SKP1: variants seen among roughly 807,000 people sequenced by gnomAD.
SKP1 encodes the protein S-phase kinase-associated protein 1.
A neutral mutation model predicts 21.5 loss-of-function variants in SKP1; 1 was observed. The observed-to-expected ratio is 0.05, with a 90% confidence interval of 0.02 to 0.22. The LOEUF is 0.22. Among genes scored for constraint, SKP1 ranks in the 10% least tolerant of loss-of-function variants. SKP1 has a pLI of 1.00. For missense variants in SKP1, 70 were observed against 192.0 expected, an observed-to-expected ratio of 0.36 and a Z score of 3.76; for synonymous variants, 59 against 59.3, an observed-to-expected ratio of 0.99 and a Z score of 0.03.
At chr5:134,164,798 A>G (rs1300130639) in intron 3 of SKP1, among the ~76,000 whole-genome samples, 3 of 152,344 alleles carry the variant, frequency 2.0e-5, no homozygotes, top group Admixed American at 6.5e-5. Flanking sequence ...CCTATTAGAT[A>G]ATACCACTGA....
chr5:134,173,602 G>T (rs931370548), intron 2 of SKP1: 3 of 412,790 alleles, frequency 7.3e-6, no homozygotes, highest in East Asian at 1.3e-4. Context: ...CTTTTCCAAA[G>T]ACCTTAATTT....
chr5:134,168,975 G>A (rs940451540), intron 2 of SKP1, among the ~76,000 whole-genome samples: 4 of 152,094 alleles, frequency 2.6e-5, no homozygotes, highest in Admixed American at 6.6e-5. Context: ...ATAATGCTAT[G>A]AGACTATCAT....
Position 134,151,533 on chromosome 5 carries a change from AAGTG to A in SKP1, c.*6196_*6199del. ...TCACCAGATAGGTGGGAGGTATTCA[AAGTG>A]AGAGCACTTTAAGGAAATAAGCTGA... On this transcript the variant is annotated 3_prime_UTR_variant, in exon 6 of 6. Coordinates refer to ENST00000353411, the MANE Select transcript of SKP1 (RefSeq NM_170679.3). 3.0e-6 allele frequency: 1 copy of A among 336,842 alleles called. No homozygotes were observed. Among genetic ancestry groups the A allele is most frequent in the Admixed American group, 3.4e-5 (1 of 29,086 alleles). 20.9% of individuals were successfully genotyped at this position (336,842 alleles called of 1,614,324 possible).
At chr5:134,169,591 G>A (rs1394666897) in intron 2 of SKP1, among the ~76,000 whole-genome samples, 1 of 152,244 alleles carries the variant, frequency 6.6e-6, no homozygotes, top group East Asian at 1.9e-4. Context: ...TTGGCCGGGT[G>A]CAGTGGCTCA....
chr5:134,161,709 T>C (rs1761223745), intron 3 of SKP1: 2 of 152,244 alleles, frequency 1.3e-5, no homozygotes, highest in South Asian at 2.1e-4. Flanking sequence ...TCAGAAAAGC[T>C]GAATATGTAC....
chr5:134,172,079 A>T (rs537387439), intron 2 of SKP1, among the ~76,000 whole-genome samples: 1 of 152,364 alleles, frequency 6.6e-6, no homozygotes, highest in Admixed American at 6.5e-5. Context: ...TATCCTCACC[A>T]GTATTACATA....
intron 5 of SKP1, 34 bp from the exon 6 acceptor site, chr5:134,157,802 T>C: frequency 6.2e-7 from 1 of 1,612,732 alleles, no homozygotes; most frequent in Non-Finnish European, 8.5e-7. Flanking sequence ...GTACCTTAAC[T>C]TGAGTAGTCT....
intron 3 of SKP1, among the ~76,000 whole-genome samples, chr5:134,162,862 C>T (rs1031362730): frequency 9.9e-5 from 15 of 151,624 alleles, no homozygotes; most frequent in South Asian, 2.1e-4. Context: ...TGCTTAAGGC[C>T]GGAAGTTCAA....
intron 2 of SKP1, among the ~76,000 whole-genome samples, chr5:134,170,523 G>A (rs1166126722): frequency 6.6e-6 from 1 of 152,106 alleles, no homozygotes; most frequent in Non-Finnish European, 1.5e-5. Context: ...GGATTAAAAG[G>A]TTTTATTTTT....
At chr5:134,172,997 AGC>A (rs1761472761) in intron 2 of SKP1, among the ~76,000 whole-genome samples, 1 of 144,534 alleles carries the variant, frequency 6.9e-6, no homozygotes, top group African/African-American at 2.6e-5. Flanking sequence ...TGGGCAACAG[AGC>A]AAGACTCCGT....
Position 134,150,406 on chromosome 5 carries a change from C to T in SKP1, c.*7327G>A, listed in dbSNP as rs1761027395. ...GCGGAAGGGTTCTTTATATCCTGTT[C>T]CAGAGAGGAAGAAAGGGAATCAGTT... On this transcript the variant is annotated 3_prime_UTR_variant, in exon 6 of 6. Transcript: ENST00000353411. 6.6e-6 allele frequency: 1 copy of T among 152,182 alleles called. No individual in the cohort carries two copies. The highest frequency in any genetic ancestry group is 2.4e-5 in the African/African-American group (1 of 41,420). The allele number at this position is 152,182 out of a possible 1,614,324, so 9.4% of individuals were successfully genotyped here. A position where few individuals can be genotyped will look rare whatever the true frequency, so the allele number is the denominator to read the frequency against.
At position 134,151,584 on chromosome 5, in the gene SKP1, C is replaced by T. The variant is rs932533188; in HGVS notation, c.*6149G>A. 4 of 435,188 alleles carry T rather than the reference C, an allele frequency of 9.2e-6. No individual in the cohort carries two copies. The highest frequency in any genetic ancestry group is 8.1e-5 in the African/African-American group (4 of 49,396). 27.0% of individuals were successfully genotyped at this position (435,188 alleles called of 1,614,324 possible). On this transcript the variant is annotated 3_prime_UTR_variant, in exon 6 of 6. Coordinates refer to ENST00000353411, the MANE Select transcript of SKP1 (RefSeq NM_170679.3). ...CTGATCCTCAGTGTGCAATAAGAGG[C>T]TGCTATATAGCAGGTTGAAAATTTG... is the stretch of plus-strand genomic sequence containing the variant.
chr5:134,163,040 C>A (rs896310396), intron 3 of SKP1, among the ~76,000 whole-genome samples: 3 of 151,588 alleles, frequency 2.0e-5, no homozygotes, highest in Admixed American at 2.0e-4. Context: ...CATGGTGAAA[C>A]CCTGTCTCTA....
intron 3 of SKP1, chr5:134,162,001 T>C (rs1761229401): frequency 6.6e-6 from 1 of 151,574 alleles, no homozygotes; most frequent in African/African-American, 2.4e-5. Flanking sequence ...AGCAAAATGT[T>C]GGAGGAGTAA....
Position 134,156,992 on chromosome 5 carries a change from T to C in SKP1, c.*741A>G, listed in dbSNP as rs1036512838. The C allele has an allele frequency of 6.6e-6, 1 of 152,666 alleles. No homozygotes were observed. The highest frequency in any genetic ancestry group is 2.4e-5 in the African/African-American group (1 of 41,464). 9.5% of individuals were successfully genotyped at this position (152,666 alleles called of 1,614,324 possible). A position where few individuals can be genotyped will look rare whatever the true frequency, so the allele number is the denominator to read the frequency against. ...ATTCTTTACATGCAAGTAGTGTGAA[T>C]AATTTTCTCCACATGGGAACACTAA... On this transcript the variant is annotated 3_prime_UTR_variant, in exon 6 of 6. Coordinates refer to ENST00000353411, the MANE Select transcript of SKP1 (RefSeq NM_170679.3).
At position 134,151,033 on chromosome 5, in the gene SKP1, C is replaced by T. The variant is rs1157661347; in HGVS notation, c.*6700G>A. On this transcript the variant is annotated 3_prime_UTR_variant, in exon 6 of 6. Coordinates refer to ENST00000353411, the MANE Select transcript of SKP1 (RefSeq NM_170679.3). Reference sequence around the variant, plus strand: ...AAAACTTATGTCCTGGGGGTGGGAACTATACTATCACAAGCAGTCCTCACA... The same window carrying T: ...AAAACTTATGTCCTGGGGGTGGGAATTATACTATCACAAGCAGTCCTCACA... The T allele has an allele frequency of 2.0e-5, 3 of 152,234 alleles. No individual in the cohort carries two copies. The highest frequency in any genetic ancestry group is 4.4e-5 in the Non-Finnish European group (3 of 68,082). The allele number at this position is 152,234 out of a possible 1,614,324, so 9.4% of individuals were successfully genotyped here.
chr5:134,172,535 G>A (rs186858003), intron 2 of SKP1, among the ~76,000 whole-genome samples: 46 of 149,322 alleles, frequency 3.1e-4, no homozygotes, highest in African/African-American at 1.1e-3. Context: ...AGTAGTTTCA[G>A]AGGAATGACA....
At chr5:134,162,342 T>C (rs2284309) in intron 3 of SKP1, among the ~76,000 whole-genome samples, 15,752 of 152,178 alleles carry the variant, frequency 0.1, 1,026 homozygotes, top group African/African-American at 0.17. Flanking sequence ...TTCACCCACC[T>C]TGCCCTCCCA....
chr5:134,161,233 G>A (rs1443920046), intron 3 of SKP1, 103 bp from the exon 4 acceptor site: 15 of 1,023,730 alleles, frequency 1.5e-5, no homozygotes, highest in South Asian at 6.0e-5. Context: ...CTAGCTAGAG[G>A]TTGACTTGAG....
Sources: allele counts gnomAD v4.1 joint callset (sites outside exome capture counted in the v4.1 genomes callset), GRCh38; gene constraint gnomAD v4.1.1; transcripts MANE v1.5; gene names NCBI Gene and HGNC (gene_info 2026-07-23, HGNC 2026-07-21).